The following DOCK3 variants were observed in gnomAD, a reference collection of about 807,000 sequenced individuals.
The protein encoded by DOCK3 is dedicator of cytokinesis protein 3.
DOCK3 carries 60 observed loss-of-function variants against 265.6 expected under a neutral mutation model. That is an observed-to-expected ratio of 0.23 (90% CI 0.18 to 0.28). The LOEUF (loss-of-function observed/expected upper bound fraction) is 0.28, where lower values mean the gene tolerates loss of function less well. Among genes scored for constraint, DOCK3 ranks in the 10% least tolerant of loss-of-function variants. The pLI is 1.00. For missense variants in DOCK3, 1,981 were observed against 2,594.3 expected (o/e 0.76, Z 5.14); for synonymous variants, 881 against 938.0 (o/e 0.94, Z 1.11).
chr3:51,273,917 T>A (rs2080658415), intron 24 of DOCK3, among the ~76,000 whole-genome samples: 1 of 152,180 alleles, frequency 6.6e-6, no homozygotes, highest in Non-Finnish European at 1.5e-5. Flanking sequence ...CACTTGTATT[T>A]CACATGTCTC....
chr3:50,693,576 C>T (rs1335785854), intron 1 of DOCK3, among the ~76,000 whole-genome samples: 3 of 146,492 alleles, frequency 2.0e-5, no homozygotes, highest in East Asian at 2.0e-4. Context: ...CACTCTGTCG[C>T]CCAGGCTAGT....
intron 12 of DOCK3, 108 bp downstream of exon 12, chr3:51,160,810 C>T (rs2086088825): frequency 2.2e-6 from 3 of 1,354,238 alleles, no homozygotes; most frequent in Admixed American, 5.6e-5. Flanking sequence ...CACGCAGTGG[C>T]TCACGCCTGT....
chr3:50,722,440 T>G (rs965601842), intron 1 of DOCK3, among the ~76,000 whole-genome samples: 1 of 152,172 alleles, frequency 6.6e-6, no homozygotes, highest in African/African-American at 2.4e-5. Context: ...TCTAAAACAT[T>G]TGAAGCACTG....
intron 27 of DOCK3, among the ~76,000 whole-genome samples, chr3:51,289,693 C>T (rs2081621817): frequency 6.6e-6 from 1 of 151,736 alleles, no homozygotes; most frequent in African/African-American, 2.4e-5. Flanking sequence ...CCTTAAAGGA[C>T]AGTCATACAC....
intron 2 of DOCK3, among the ~76,000 whole-genome samples, chr3:50,831,981 T>G (rs2045206367): frequency 6.6e-6 from 1 of 152,224 alleles, no homozygotes; most frequent in African/African-American, 2.4e-5. Flanking sequence ...TAATGACCAG[T>G]GTTGATGAGC....
At chr3:50,842,562 T>C (rs766860233) in intron 3 of DOCK3, among the ~76,000 whole-genome samples, 1 of 152,112 alleles carries the variant, frequency 6.6e-6, no homozygotes, top group Non-Finnish European at 1.5e-5. Context: ...GGCCAGATAA[T>C]TCTTTATTGT....
In DOCK3 at chr3:51,374,622, C is replaced by T; in HGVS notation, c.5412+35C>T. 6.4e-7 allele frequency: 1 copy of T among 1,563,512 alleles called. No individual in the cohort carries two copies. Among genetic ancestry groups the T allele is most frequent in the Non-Finnish European group, 8.7e-7 (1 of 1,144,588 alleles). ...CCACCACACTGACTGTCCTCTGCTGCAAGTGTGTTAGCCTGTGCTTCCCTC... is the reference window on the plus strand; with the variant it reads ...CCACCACACTGACTGTCCTCTGCTGTAAGTGTGTTAGCCTGTGCTTCCCTC... On this transcript the variant is annotated intron_variant, in intron 50 of 52. Coordinates refer to ENST00000266037, the MANE Select transcript of DOCK3 (RefSeq NM_004947.5). The surrounding 1 kb of genome is among the most constrained non-coding windows in gnomAD (Gnocchi z 4.8).
intron 32 of DOCK3, among the ~76,000 whole-genome samples, chr3:51,326,599 T>C (rs1206758674): frequency 9.6e-5 from 14 of 146,422 alleles, no homozygotes; most frequent in African/African-American, 2.9e-4. Flanking sequence ...GTTGTTGTTG[T>C]TGTTGTTGTT....
chr3:50,821,536 G>A (rs570144015), intron 2 of DOCK3, among the ~76,000 whole-genome samples: 49 of 152,206 alleles, frequency 3.2e-4, no homozygotes, highest in African/African-American at 1.2e-3. Flanking sequence ...TCCTGACCTC[G>A]TGATCCGCCT....
chr3:50,682,034 A>T (rs1396026078), intron 1 of DOCK3, among the ~76,000 whole-genome samples: 2 of 152,250 alleles, frequency 1.3e-5, no homozygotes, highest in Admixed American at 1.3e-4. Context: ...GTAGTTTCTT[A>T]TAAGTCCTTG....
intron 27 of DOCK3, 104 bp downstream of exon 27, chr3:51,280,308 C>A: frequency 9.3e-7 from 1 of 1,075,986 alleles, no homozygotes; most frequent in Non-Finnish European, 1.3e-6. Flanking sequence ...CTAGCATTGC[C>A]ACGGGTGTAG....
intron 1 of DOCK3, among the ~76,000 whole-genome samples, chr3:50,694,367 T>A (rs974437344): frequency 3.9e-5 from 6 of 152,234 alleles, no homozygotes; most frequent in Non-Finnish European, 5.9e-5. Flanking sequence ...CTTTATAGAT[T>A]TAGATTTCTT....
Position 51,260,321 on chromosome 3 carries a change from A to G in DOCK3, c.2350A>G (p.Thr784Ala). The change falls in exon 23 of 53, where the codon ACT (threonine) becomes GCT (alanine). Residue 784 changes from threonine (T) to alanine (A), a missense_variant. Physicochemically the swap from Thr to Ala is moderately conservative, Grantham distance 58. Transcript: ENST00000266037. ...DSRNSETLLF[T>A]QAALLNSFPT... The stretch of plus-strand genomic sequence containing the variant: ...CCGAAACTCAGAAACACTCCTTTTT[A>G]CTCAGGTTCGCACACTGCAGGGAAG... 1 of 1,613,024 alleles carries G rather than the reference A, an allele frequency of 6.2e-7. No individual in the cohort carries two copies. The highest frequency in any genetic ancestry group is 8.5e-7 in the Non-Finnish European group (1 of 1,179,564).
intron 9 of DOCK3, among the ~76,000 whole-genome samples, chr3:51,107,979 T>C (rs1367388770): frequency 1.3e-5 from 2 of 151,048 alleles, no homozygotes; most frequent in Admixed American, 6.6e-5. Flanking sequence ...ATCAAACAAA[T>C]AGTGGACCTC....
chr3:50,794,314 G>A (rs965938438), intron 2 of DOCK3, among the ~76,000 whole-genome samples: 1 of 152,086 alleles, frequency 6.6e-6, no homozygotes, highest in African/African-American at 2.4e-5. Flanking sequence ...ATGATCTATT[G>A]AATACTGTCA....
chr3:51,226,134 A>G (rs1012086574), intron 15 of DOCK3, among the ~76,000 whole-genome samples: 6 of 152,202 alleles, frequency 3.9e-5, no homozygotes, highest in African/African-American at 1.4e-4. Context: ...CCTTGAGCTA[A>G]TACAGAAAGT....
intron 3 of DOCK3, among the ~76,000 whole-genome samples, chr3:50,842,973 T>C (rs1410720844): frequency 6.6e-6 from 1 of 152,354 alleles, no homozygotes; most frequent in Middle Eastern, 3.4e-3. Context: ...TTTCCAATAC[T>C]AGTGTTTGAG....
intron 9 of DOCK3, among the ~76,000 whole-genome samples, chr3:51,113,906 G>C (rs1272711249): frequency 6.6e-6 from 1 of 152,082 alleles, no homozygotes; most frequent in Non-Finnish European, 1.5e-5. Flanking sequence ...GAAACCAGGA[G>C]TTTGAGATCA....
rs1044509499 is a variant in DOCK3 at position 50,846,208 on chromosome 3, G to A, written c.162+4493G>A. On this transcript the variant is annotated intron_variant, in intron 3 of 52. Transcript: ENST00000266037. The stretch of plus-strand genomic sequence containing the variant: ...CTAATGGAGGTCATAGTTGGCCAAG[G>A]AGAACATTTTTTAAAAACAGGGGTA... Among the ~76,000 whole-genome samples the A allele has an allele frequency of 2.0e-5, 3 of 152,202 alleles. No homozygotes were observed. In the South Asian group the frequency reaches 6.2e-4, roughly 31 times the overall value.
Sources: gnomAD v4.1 joint callset for allele counts (sites outside exome capture counted in the v4.1 genomes callset) on GRCh38, gnomAD v4.1.1 for gene constraint, Gnocchi (gnomAD v3.1) non-coding constraint, MANE v1.5 for transcripts, NCBI Gene and HGNC (gene_info 2026-07-23, HGNC 2026-07-21) for gene names.